Variants in KCNU1 observed in about 807,000 individuals in gnomAD.
KCNU1 encodes the protein potassium channel subfamily U member 1.
A neutral mutation model predicts 126.8 loss-of-function variants in KCNU1; 93 were observed. That is an observed-to-expected ratio of 0.73 (90% CI 0.62 to 0.87). The LOEUF (loss-of-function observed/expected upper bound fraction) is 0.87, where lower values mean the gene tolerates loss of function less well. Among genes scored for constraint, KCNU1 ranks in the 40% least tolerant of loss-of-function variants. The probability of loss-of-function intolerance (pLI) is 0.00; values close to 1 mark genes in which losing one functional copy is unlikely to be tolerated. For synonymous variants in KCNU1, 523 were observed against 494.2 expected, an observed-to-expected ratio of 1.06 and a Z score of -0.77; for missense variants, 1,330 against 1,367.1, an observed-to-expected ratio of 0.97 and a Z score of 0.43.
intron 24 of KCNU1, among the ~76,000 whole-genome samples, chr8:36,929,663 G>A (rs1808640571): frequency 6.6e-6 from 1 of 152,124 alleles, no homozygotes; most frequent in African/African-American, 2.4e-5. Context: ...GCAAAGGCAT[G>A]AAGCAGTAAA....
At chr8:36,934,549 A>G (rs1033524414) in intron 26 of KCNU1, among the ~76,000 whole-genome samples, 1 of 152,130 alleles carries the variant, frequency 6.6e-6, no homozygotes, top group African/African-American at 2.4e-5. Context: ...TTATATTAAT[A>G]CTTGATCTCA....
chr8:36,845,549 A>G, intron 16 of KCNU1, 31 bp from the exon 17 acceptor site: 3 of 1,312,938 alleles, frequency 2.3e-6, no homozygotes, highest in Non-Finnish European at 3.3e-6. Flanking sequence ...TCAGAGGGAA[A>G]CATTACCATG....
chr8:36,916,146 G>T (rs548358763), intron 22 of KCNU1, among the ~76,000 whole-genome samples: 18 of 149,362 alleles, frequency 1.2e-4, no homozygotes, highest in African/African-American at 3.9e-4. Flanking sequence ...GAAAGGAAGG[G>T]AAAAGAAGGG....
chr8:36,838,470 C>A (rs540794309), intron 14 of KCNU1, among the ~76,000 whole-genome samples: 191 of 152,064 alleles, frequency 1.3e-3, no homozygotes, highest in Non-Finnish European at 2.3e-3. Flanking sequence ...GTTGGTGGGT[C>A]ACTCGAGCTC....
chr8:36,908,301 A>T (rs973816384), intron 20 of KCNU1, among the ~76,000 whole-genome samples: 1 of 152,138 alleles, frequency 6.6e-6, no homozygotes, highest in Non-Finnish European at 1.5e-5. Flanking sequence ...CAACTTGGAG[A>T]CACAGGGGCA....
At position 36,911,064 on chromosome 8, in the gene KCNU1, C is replaced by T. The variant is rs1158784290; in HGVS notation, c.2466C>T (p.Leu822=). 3 of 1,613,848 alleles carry T rather than the reference C, an allele frequency of 1.9e-6. No individual in the cohort carries two copies. The highest frequency in any genetic ancestry group is 1.6e-4 in the Middle Eastern group (1 of 6,062). ...ACACAGAAGCCATCATGGCAACCCTCACCATCGGATCCTTGCAAATTGACT... is the reference window on the plus strand; with the variant it reads ...ACACAGAAGCCATCATGGCAACCCTTACCATCGGATCCTTGCAAATTGACT... ...LVDTEAIMAT[L]TIGSLQIDSS... Residue 822 remains leucine (L), a synonymous_variant, in exon 22 of 27, where the codon CTC becomes CTT. Coordinates refer to ENST00000399881, the MANE Select transcript of KCNU1 (RefSeq NM_001031836.3).
chr8:36,928,987 C>A (rs1808615432), intron 24 of KCNU1: 2 of 698,604 alleles, frequency 2.9e-6, no homozygotes, highest in East Asian at 5.4e-5. Flanking sequence ...ATAAAGAAAA[C>A]AGAATTTAGC....
chr8:36,909,592 T>A (rs1807785260), intron 21 of KCNU1, 57 bp downstream of exon 21: 2 of 966,894 alleles, frequency 2.1e-6, no homozygotes, highest in Non-Finnish European at 3.3e-6. Flanking sequence ...TTAATAGGAC[T>A]AGAATTAATA....
At chr8:36,793,147 T>C (rs1431379331) in intron 2 of KCNU1, among the ~76,000 whole-genome samples, 1 of 131,512 alleles carries the variant, frequency 7.6e-6, no homozygotes, top group East Asian at 2.2e-4. Flanking sequence ...AGGTGGGAAC[T>C]GAAAAATAAG....
At chr8:36,843,663 A>G (rs182192378) in intron 16 of KCNU1, among the ~76,000 whole-genome samples, 1 of 152,254 alleles carries the variant, frequency 6.6e-6, no homozygotes, top group African/African-American at 2.4e-5. Flanking sequence ...TAGAAGGAAG[A>G]CTGCATGTTT....
intron 2 of KCNU1, among the ~76,000 whole-genome samples, chr8:36,797,432 T>C (rs1348886639): frequency 1.3e-5 from 2 of 152,292 alleles, no homozygotes; most frequent in East Asian, 1.9e-4. Context: ...TTTCTCTGTG[T>C]ATCTTTGTGT....
At chr8:36,831,323 G>T (rs1585428468) in intron 10 of KCNU1, among the ~76,000 whole-genome samples, 1 of 152,114 alleles carries the variant, frequency 6.6e-6, no homozygotes, top group Admixed American at 6.5e-5. Flanking sequence ...AGATCCCTGA[G>T]GAATCGCCAC....
chr8:36,924,214 T>C (rs757303834), intron 24 of KCNU1, among the ~76,000 whole-genome samples: 3 of 152,184 alleles, frequency 2.0e-5, no homozygotes, highest in Non-Finnish European at 4.4e-5. Flanking sequence ...ACACTCCTCC[T>C]ACCCGGGATT....
intron 24 of KCNU1, among the ~76,000 whole-genome samples, chr8:36,929,503 T>C (rs1040326117): frequency 6.6e-6 from 1 of 151,128 alleles, no homozygotes; most frequent in Non-Finnish European, 1.5e-5. Context: ...GTGTGTTTCA[T>C]ACAAGCAACT....
intron 6 of KCNU1, among the ~76,000 whole-genome samples, chr8:36,808,344 A>C (rs1111124): frequency 0.27 from 40,480 of 152,012 alleles, 6,614 homozygotes; most frequent in African/African-American, 0.43. Context: ...TAGCATAATG[A>C]ATTGTATATT....
chr8:36,922,496 C>T lies in KCNU1; in HGVS notation c.2603C>T (p.Pro868Leu). The change falls in exon 24 of 27, where the codon CCT becomes CTT. Residue 868 changes from proline (P) to leucine (L), a missense_variant. Transcript: ENST00000399881. ...TTTGCCTCTTGCCTTGCAGAAAATCCTTCCAACATTCACTTTATTGAACAG... is the reference window on the plus strand; with the variant it reads ...TTTGCCTCTTGCCTTGCAGAAAATCTTTCCAACATTCACTTTATTGAACAG... ...KVPILTELKN[P>L]SNIHFIEQLG... 6.2e-7 allele frequency: 1 copy of T among 1,610,008 alleles called. No individual in the cohort carries two copies. The highest frequency in any genetic ancestry group is 1.7e-5 in the Admixed American group (1 of 58,984).
chr8:36,935,953 G>T lies in KCNU1; in HGVS notation c.*33G>T. 6.7e-7 allele frequency: 1 copy of T among 1,503,410 alleles called. No homozygotes were observed. The allele number at this position is 1,503,410 out of a possible 1,614,324, so 93.1% of individuals were successfully genotyped here. On this transcript the variant is annotated 3_prime_UTR_variant, in exon 27 of 27. Transcript: ENST00000399881. ...CATATTCTTCACGTGCTCTTAACTT[G>T]CTGCTTACAAATCATCTCCTGAGAT... is the stretch of plus-strand genomic sequence containing the variant.
chr8:36,864,743 A>G (rs962746772), intron 19 of KCNU1, among the ~76,000 whole-genome samples: 1 of 152,160 alleles, frequency 6.6e-6, no homozygotes, highest in African/African-American at 2.4e-5. Flanking sequence ...ATAATAACCC[A>G]AAAGTTAGAT....
At chr8:36,829,034 A>G (rs1451059237) in intron 10 of KCNU1, among the ~76,000 whole-genome samples, 3 of 152,096 alleles carry the variant, frequency 2.0e-5, no homozygotes, top group African/African-American at 4.8e-5. Flanking sequence ...GACCTTCACC[A>G]TGTTTACTAG....
Sources: allele counts gnomAD v4.1 joint callset (sites outside exome capture counted in the v4.1 genomes callset), GRCh38; gene constraint gnomAD v4.1.1; transcripts MANE v1.5; gene names NCBI Gene and HGNC (gene_info 2026-07-23, HGNC 2026-07-21).